Variants in CEP112 observed in about 807,000 individuals in gnomAD.
The protein encoded by CEP112 is centrosomal protein 112.
Under a neutral mutation model 153.0 loss-of-function variants are expected in CEP112, and 127 were observed. The observed-to-expected ratio is 0.83, with a 90% CI of 0.72 to 0.96. The LOEUF is 0.96. CEP112 is among the 40% of genes least tolerant of loss of function. CEP112 has a pLI of 0.00. For missense variants in CEP112, 1,089 were observed against 1,101.2 expected (o/e 0.99, Z 0.16); for synonymous variants, 358 against 374.4 (o/e 0.96, Z 0.51).
chr17:65,890,661 A>C (rs2059430323), intron 20 of CEP112, among the ~76,000 whole-genome samples: 1 of 152,168 alleles, frequency 6.6e-6, no homozygotes, highest in African/African-American at 2.4e-5. Context: ...CATTGTCACC[A>C]GTTACATACC....
chr17:65,687,595 AC>A (rs1289400426), intron 24 of CEP112, among the ~76,000 whole-genome samples: 1 of 152,256 alleles, frequency 6.6e-6, no homozygotes, highest in East Asian at 1.9e-4. Flanking sequence ...CATGATATGT[AC>A]ATACATATGT....
chr17:65,929,917 T>C (rs1197198776), intron 18 of CEP112, among the ~76,000 whole-genome samples: 1 of 152,212 alleles, frequency 6.6e-6, no homozygotes, highest in Non-Finnish European at 1.5e-5. Context: ...TCAGATGCAA[T>C]GAGAAAGAGA....
At chr17:66,026,989 T>C (rs1022833698) in intron 16 of CEP112, among the ~76,000 whole-genome samples, 3 of 152,220 alleles carry the variant, frequency 2.0e-5, no homozygotes, top group Admixed American at 6.5e-5. Flanking sequence ...TTAATGTTGA[T>C]ATAACTAATA....
intron 16 of CEP112, among the ~76,000 whole-genome samples, chr17:66,024,182 G>T (rs965181691): frequency 2.0e-5 from 3 of 152,038 alleles, no homozygotes; most frequent in Admixed American, 1.3e-4. Flanking sequence ...AATATTAAAG[G>T]ATCTGTAAGG....
intron 20 of CEP112, among the ~76,000 whole-genome samples, chr17:65,877,387 G>T (rs1205646439): frequency 2.6e-5 from 4 of 151,380 alleles, no homozygotes; most frequent in Non-Finnish European, 5.9e-5. Flanking sequence ...CCCTTTCTTT[G>T]GTGGGACAAC....
intron 21 of CEP112, among the ~76,000 whole-genome samples, chr17:65,808,013 C>T (rs531816716): frequency 6.6e-6 from 1 of 152,340 alleles, no homozygotes; most frequent in South Asian, 2.1e-4. Context: ...CCACTCAATG[C>T]CAGTCCATGA....
intron 5 of CEP112, among the ~76,000 whole-genome samples, chr17:66,132,373 TG>T (rs2146544006): frequency 6.6e-6 from 1 of 152,162 alleles, no homozygotes; most frequent in East Asian, 1.9e-4. Context: ...TTATGATCAC[TG>T]GGTATATAAT....
chr17:65,902,058 A>G, intron 20 of CEP112, 94 bp downstream of exon 20: 1 of 786,094 alleles, frequency 1.3e-6, no homozygotes, highest in Non-Finnish European at 2.0e-6. Flanking sequence ...AAATGATCAA[A>G]CAGCGTGCAT....
At chr17:66,093,699 T>C (rs938357560) in intron 8 of CEP112, among the ~76,000 whole-genome samples, 1 of 152,026 alleles carries the variant, frequency 6.6e-6, no homozygotes, top group Non-Finnish European at 1.5e-5. Context: ...AATGGAAAGA[T>C]ATCTCATGTT....
chr17:66,190,203 G>A (rs1429435002), intron 1 of CEP112, among the ~76,000 whole-genome samples: 1 of 151,984 alleles, frequency 6.6e-6, no homozygotes, highest in Non-Finnish European at 1.5e-5. Context: ...CAGCTACTCA[G>A]GAAGCTGAGG....
intron 18 of CEP112, among the ~76,000 whole-genome samples, chr17:65,960,232 A>G (rs2062150266): frequency 6.6e-6 from 1 of 152,216 alleles, no homozygotes; most frequent in African/African-American, 2.4e-5. Context: ...GATAAAATAA[A>G]TTTAGTGTTA....
intron 20 of CEP112, among the ~76,000 whole-genome samples, chr17:65,890,124 G>GT (rs1012254107): frequency 3.9e-5 from 6 of 152,140 alleles, no homozygotes; most frequent in African/African-American, 1.4e-4. Context: ...GAAGTTCTGG[G>GT]TTTTTTCTTT....
At chr17:65,821,552 T>A (rs2056583194) in intron 21 of CEP112, among the ~76,000 whole-genome samples, 4 of 99,034 alleles carry the variant, frequency 4.0e-5, no homozygotes, top group South Asian at 6.9e-4. Flanking sequence ...TTTTTTTTTT[T>A]TTTTTTTTTT....
intron 21 of CEP112, among the ~76,000 whole-genome samples, chr17:65,802,754 A>G (rs992128258): frequency 6.6e-6 from 1 of 152,186 alleles, no homozygotes. Flanking sequence ...TCTAGGACTC[A>G]TCGTGATGCC....
chr17:66,128,401 T>C (rs887865202), intron 6 of CEP112, among the ~76,000 whole-genome samples: 2 of 150,786 alleles, frequency 1.3e-5, no homozygotes, highest in African/African-American at 4.9e-5. Flanking sequence ...TCATATCCAA[T>C]AGAACTTTCA....
intron 12 of CEP112, 48 bp from the exon 13 acceptor site, chr17:66,030,071 A>T: frequency 6.6e-7 from 1 of 1,525,230 alleles, no homozygotes. Flanking sequence ...CAGTTGTAAC[A>T]CTTTTGTATC....
chr17:66,041,377 C>T (rs1458441112), intron 12 of CEP112, among the ~76,000 whole-genome samples: 2 of 152,020 alleles, frequency 1.3e-5, no homozygotes, highest in Non-Finnish European at 2.9e-5. Context: ...CAGTGTATAG[C>T]AGGTCCTCAA....
At chr17:65,896,028 AAGAT>A (rs1412683479) in intron 20 of CEP112, among the ~76,000 whole-genome samples, 9 of 152,114 alleles carry the variant, frequency 5.9e-5, no homozygotes, top group Non-Finnish European at 1.2e-4. Context: ...ATGAGAACAA[AAGAT>A]AGATTTTTAA....
At chr17:66,145,160 T>C (rs547355486) in intron 4 of CEP112, among the ~76,000 whole-genome samples, 2 of 152,338 alleles carry the variant, frequency 1.3e-5, no homozygotes, top group Non-Finnish European at 2.9e-5. Flanking sequence ...GTTGGCCATC[T>C]TTTCATGTAT....
Sources: allele counts gnomAD v4.1 joint callset (sites outside exome capture counted in the v4.1 genomes callset), GRCh38; gene constraint gnomAD v4.1.1; transcripts MANE v1.5; gene names NCBI Gene and HGNC (gene_info 2026-07-23, HGNC 2026-07-21).